THADA: variants seen among roughly 807,000 people sequenced by gnomAD.
THADA encodes THADA armadillo repeat containing, also known as tRNA (32-2'-O)-methyltransferase regulator THADA.
In THADA, 213 loss-of-function variants were observed where a neutral mutation model predicts 219.8. The observed-to-expected ratio is 0.97, with a 90% CI of 0.87 to 1.09. THADA has a LOEUF of 1.09. Among genes scored for constraint, THADA ranks in the 50% least tolerant of loss-of-function variants. The pLI is 0.00. For missense variants in THADA, 2,956 were observed against 2,311.3 expected, an observed-to-expected ratio of 1.28 and a Z score of -5.72; for synonymous variants, 1,018 against 828.9, an observed-to-expected ratio of 1.23 and a Z score of -3.92.
At chr2:43,369,923 G>A (rs1670604999) in intron 29 of THADA, among the ~76,000 whole-genome samples, 1 of 152,198 alleles carries the variant, frequency 6.6e-6, no homozygotes, top group African/African-American at 2.4e-5. Context: ...GTACTCCAAT[G>A]TTTCTACTTC....
intron 29 of THADA, among the ~76,000 whole-genome samples, chr2:43,365,051 G>A (rs890137373): frequency 6.7e-6 from 1 of 150,178 alleles, no homozygotes; most frequent in South Asian, 2.1e-4. Flanking sequence ...TCCGCCTCCC[G>A]AGTAGCTGGG....
chr2:43,274,663 G>A (rs6544638), intron 36 of THADA, among the ~76,000 whole-genome samples: 111,083 of 151,942 alleles, frequency 0.73, 41,973 homozygotes, highest in African/African-American at 0.88. Flanking sequence ...ATGCATTCCC[G>A]CTAAATGTCC....
intron 24 of THADA, among the ~76,000 whole-genome samples, chr2:43,501,000 A>G (rs897756593): frequency 5.9e-5 from 9 of 152,042 alleles, no homozygotes; most frequent in African/African-American, 2.2e-4. Flanking sequence ...ATAAATCTCA[A>G]AAATAATCTA....
rs375493139 is a variant in THADA, at chr2:43,300,805, CTGTT to C, written c.4439-7596_4439-7593del. Among the ~76,000 whole-genome samples, 482 of 152,310 alleles carry C rather than the reference CTGTT, an allele frequency of 3.2e-3. 2 individuals carry two copies. Among genetic ancestry groups the C allele is most frequent in the African/African-American group, 0.011 (474 of 41,578 alleles). ...CAAACTGCTGCTTGGAAAAAATATT[CTGTT>C]TGTGCAGCAACTCGGACTCAAGGAG... On this transcript the variant is annotated intron_variant, in intron 31 of 37. Transcript: ENST00000405975.
intron 27 of THADA, among the ~76,000 whole-genome samples, chr2:43,429,232 C>A (rs1678914165): frequency 6.7e-6 from 1 of 150,256 alleles, no homozygotes; most frequent in African/African-American, 2.4e-5. Context: ...CTCAGCCTCC[C>A]AAGTAGCTGG....
chr2:43,413,613 A>G (rs1676573782), intron 28 of THADA, among the ~76,000 whole-genome samples: 1 of 152,178 alleles, frequency 6.6e-6, no homozygotes, highest in African/African-American at 2.4e-5. Context: ...CAAGTGACCC[A>G]TTGCCACTTC....
chr2:43,369,661 G>A (rs913859849), intron 29 of THADA, among the ~76,000 whole-genome samples: 4 of 152,084 alleles, frequency 2.6e-5, no homozygotes, highest in Admixed American at 1.3e-4. Context: ...AAATCTCCAG[G>A]ACAGGCACTT....
chr2:43,339,645 C>CGT (rs1233127339), intron 30 of THADA, among the ~76,000 whole-genome samples: 2 of 152,178 alleles, frequency 1.3e-5, no homozygotes, highest in African/African-American at 4.8e-5. Flanking sequence ...TAAACATACA[C>CGT]ATACACACTT....
At chr2:43,301,620 C>T (rs894021556) in intron 31 of THADA, among the ~76,000 whole-genome samples, 1 of 152,202 alleles carries the variant, frequency 6.6e-6, no homozygotes, top group African/African-American at 2.4e-5. Context: ...CAGCAGCTAA[C>T]AAAGAAATGC....
At chr2:43,522,848 T>C (rs1692666427) in intron 22 of THADA, among the ~76,000 whole-genome samples, 1 of 152,044 alleles carries the variant, frequency 6.6e-6, no homozygotes. Flanking sequence ...TTTCTCTCTA[T>C]AAAGAATATG....
At chr2:43,309,937 A>G (rs1677297583) in intron 31 of THADA, among the ~76,000 whole-genome samples, 1 of 152,226 alleles carries the variant, frequency 6.6e-6, no homozygotes, top group African/African-American at 2.4e-5. Context: ...CAATCCACAA[A>G]TGAAATTAAG....
chr2:43,554,568 G>C (rs1388203747), intron 17 of THADA, among the ~76,000 whole-genome samples: 1 of 152,082 alleles, frequency 6.6e-6, no homozygotes, highest in African/African-American at 2.4e-5. Flanking sequence ...AAAAATAATT[G>C]TATTAGTAAT....
intron 1 of THADA, 165 bp downstream of exon 1, chr2:43,595,766 G>A (rs1277824542): frequency 1.3e-5 from 2 of 152,372 alleles, no homozygotes; most frequent in African/African-American, 4.8e-5. Flanking sequence ...AGTGGTTAAA[G>A]TGCTGTCTCC....
At chr2:43,320,739 T>C (rs1355983791) in intron 30 of THADA, among the ~76,000 whole-genome samples, 199 bp from the exon 31 acceptor site, 3 of 152,214 alleles carry the variant, frequency 2.0e-5, no homozygotes, top group Non-Finnish European at 2.9e-5. Context: ...GACCATATGA[T>C]GGAGGCCAAG....
intron 34 of THADA, among the ~76,000 whole-genome samples, chr2:43,290,636 C>T (rs1313539594): frequency 1.3e-5 from 2 of 152,146 alleles, no homozygotes; most frequent in Non-Finnish European, 2.9e-5. Flanking sequence ...GCTCTAGTCT[C>T]TGTTCATCTC....
chr2:43,321,427 T>G (rs962056113), intron 30 of THADA, among the ~76,000 whole-genome samples: 5 of 152,200 alleles, frequency 3.3e-5, no homozygotes, highest in African/African-American at 1.2e-4. Context: ...AAATTCATGT[T>G]GAAATGTAAT....
intron 26 of THADA, among the ~76,000 whole-genome samples, chr2:43,460,967 G>A (rs1683573507): frequency 6.6e-6 from 1 of 152,206 alleles, no homozygotes; most frequent in Admixed American, 6.5e-5. Context: ...TGTAGGAGGA[G>A]GAGAAAAGTC....
intron 20 of THADA, 22 bp from the exon 21 acceptor site, chr2:43,541,338 C>T (rs368233667): frequency 2.7e-5 from 43 of 1,610,472 alleles, no homozygotes; most frequent in African/African-American, 1.2e-4. Flanking sequence ...AAAAACACAA[C>T]GATTGCAACC....
At chr2:43,400,470 TATATATAA>T (rs1420357005) in intron 28 of THADA, among the ~76,000 whole-genome samples, 19 of 143,444 alleles carry the variant, frequency 1.3e-4, no homozygotes, top group South Asian at 4.3e-4. Flanking sequence ...TATATATATA[TATATATAA>T]ATATATACAC....
Sources: allele counts gnomAD v4.1 joint callset (sites outside exome capture counted in the v4.1 genomes callset), GRCh38; gene constraint gnomAD v4.1.1; transcripts MANE v1.5; gene names NCBI Gene and HGNC (gene_info 2026-07-23, HGNC 2026-07-21).